The following DCDC1 variants were observed in gnomAD, a reference collection of about 807,000 sequenced individuals.
The protein encoded by DCDC1 is doublecortin domain-containing protein 1.
DCDC1 carries 200 observed loss-of-function variants against 178.3 expected under a neutral mutation model. The observed-to-expected ratio is 1.12, with a 90% confidence interval of 1.00 to 1.26. DCDC1 has a LOEUF of 1.26. Among genes scored for constraint, DCDC1 ranks in the 50% most tolerant of loss-of-function variants. The pLI, the probability that DCDC1 is intolerant of heterozygous loss-of-function variation, is 0.00. For synonymous variants in DCDC1, 690 were observed against 604.8 expected, an observed-to-expected ratio of 1.14 and a Z score of -2.07; for missense variants, 1,983 against 1,749.2, an observed-to-expected ratio of 1.13 and a Z score of -2.38.
chr11:30,991,803 C>T (rs1316384040), intron 20 of DCDC1, among the ~76,000 whole-genome samples: 1 of 152,106 alleles, frequency 6.6e-6, no homozygotes, highest in East Asian at 1.9e-4. Context: ...TAGCAAATTG[C>T]ATTCCTTCAG....
intron 7 of DCDC1, among the ~76,000 whole-genome samples, chr11:31,278,184 C>T (rs1946134736): frequency 6.6e-6 from 1 of 151,974 alleles, no homozygotes; most frequent in South Asian, 2.1e-4. Context: ...AATGATTTAC[C>T]CATGTATGTG....
intron 21 of DCDC1, among the ~76,000 whole-genome samples, chr11:30,944,653 A>G (rs562660278): frequency 1.2e-4 from 18 of 152,226 alleles, no homozygotes; most frequent in Non-Finnish European, 2.6e-4. Flanking sequence ...ATTTAATTTT[A>G]AATTTGAGTT....
chr11:31,081,042 A>G (rs1260346347), intron 17 of DCDC1, among the ~76,000 whole-genome samples: 4 of 152,178 alleles, frequency 2.6e-5, no homozygotes, highest in African/African-American at 4.8e-5. Flanking sequence ...TCTCAAAACT[A>G]ATACAACAGA....
chr11:31,004,996 G>C (rs1050555712), intron 20 of DCDC1, among the ~76,000 whole-genome samples: 1 of 152,086 alleles, frequency 6.6e-6, no homozygotes, highest in African/African-American at 2.4e-5. Context: ...CCACCACGCA[G>C]AAATTAAGAG....
At chr11:30,934,604 C>T (rs1254412655) in intron 21 of DCDC1, among the ~76,000 whole-genome samples, 2 of 152,228 alleles carry the variant, frequency 1.3e-5, no homozygotes, top group East Asian at 1.9e-4. Context: ...CTCTGGGATC[C>T]GACCTCTGCA....
intron 9 of DCDC1, among the ~76,000 whole-genome samples, chr11:31,211,162 A>G (rs1972486245): frequency 1.3e-5 from 2 of 152,216 alleles, no homozygotes; most frequent in South Asian, 4.1e-4. Context: ...CATCTTTAGC[A>G]ATCAGACTGA....
chr11:30,974,870 A>G (rs1049138864), intron 20 of DCDC1, among the ~76,000 whole-genome samples: 5 of 152,140 alleles, frequency 3.3e-5, no homozygotes, highest in African/African-American at 1.2e-4. Context: ...AGCTCATTCT[A>G]TAAGGCCAGT....
chr11:30,901,731 A>G (rs1291851164), intron 32 of DCDC1, among the ~76,000 whole-genome samples: 1 of 152,178 alleles, frequency 6.6e-6, no homozygotes, highest in African/African-American at 2.4e-5. Flanking sequence ...GAGTGTTTGA[A>G]ATTGTAATTT....
chr11:30,905,277 A>G (rs1944981800), intron 30 of DCDC1, 113 bp from the exon 31 acceptor site: 1 of 1,104,462 alleles, frequency 9.1e-7, no homozygotes, highest in Non-Finnish European at 1.3e-6. Context: ...ACATTTTGCA[A>G]TGCTCTCTTC....
chr11:31,328,382 T>G, intron 2 of DCDC1, 96 bp from the exon 3 acceptor site: 1 of 1,253,520 alleles, frequency 8.0e-7, no homozygotes, highest in East Asian at 2.5e-5. Context: ...CTTGTCATCA[T>G]GTGATTCTAG....
At chr11:31,187,527 A>G (rs984956737) in intron 9 of DCDC1, among the ~76,000 whole-genome samples, 1 of 152,222 alleles carries the variant, frequency 6.6e-6, no homozygotes, top group African/African-American at 2.4e-5. Flanking sequence ...ACTTAATTGG[A>G]ACATCATAAA....
intron 8 of DCDC1, among the ~76,000 whole-genome samples, chr11:31,249,543 T>C (rs1565495089): frequency 6.6e-6 from 1 of 152,140 alleles, no homozygotes; most frequent in Admixed American, 6.6e-5. Context: ...GGACCATGTC[T>C]AAGAAACCCT....
At chr11:31,257,693 AAC>A (rs60535376) in intron 8 of DCDC1, among the ~76,000 whole-genome samples, 67 of 143,852 alleles carry the variant, frequency 4.7e-4, no homozygotes, top group African/African-American at 6.4e-4. Flanking sequence ...CAGATAGGAA[AAC>A]ACACACACAC....
intron 7 of DCDC1, among the ~76,000 whole-genome samples, chr11:31,270,689 T>C (rs1945488305): frequency 6.6e-6 from 1 of 152,170 alleles, no homozygotes. Context: ...GTTTGGAAAG[T>C]GGTGTTACAA....
intron 2 of DCDC1, among the ~76,000 whole-genome samples, chr11:31,332,012 AC>A (rs1461686550): frequency 1.3e-5 from 2 of 151,998 alleles, no homozygotes; most frequent in Non-Finnish European, 2.9e-5. Context: ...CTGGTCCTGA[AC>A]TTTTTTTGGT....
chr11:31,043,176 T>A (rs1248585917), intron 20 of DCDC1, among the ~76,000 whole-genome samples: 1 of 152,092 alleles, frequency 6.6e-6, no homozygotes, highest in Non-Finnish European at 1.5e-5. Context: ...TACAGGAAAA[T>A]ATGAGGCCAC....
At chr11:31,292,076 C>T (rs540489442) in intron 6 of DCDC1, among the ~76,000 whole-genome samples, 2 of 151,962 alleles carry the variant, frequency 1.3e-5, no homozygotes, top group African/African-American at 2.4e-5. Flanking sequence ...ACACATATAC[C>T]GTGGCAGATA....
At chr11:31,271,428 A>G (rs1351590765) in intron 7 of DCDC1, among the ~76,000 whole-genome samples, 1 of 152,182 alleles carries the variant, frequency 6.6e-6, no homozygotes, top group Non-Finnish European at 1.5e-5. Context: ...TGAAAATTAA[A>G]TCTCCCCATA....
At chr11:30,965,664 A>G (rs1002785417) in intron 20 of DCDC1, among the ~76,000 whole-genome samples, 1 of 147,372 alleles carries the variant, frequency 6.8e-6, no homozygotes, top group African/African-American at 2.5e-5. Flanking sequence ...GGTTAGTTAC[A>G]TATGTATACA....
Sources: gnomAD v4.1 joint callset for allele counts (sites outside exome capture counted in the v4.1 genomes callset) on GRCh38, gnomAD v4.1.1 for gene constraint, MANE v1.5 for transcripts, NCBI Gene and HGNC (gene_info 2026-07-23, HGNC 2026-07-21) for gene names.